ATXN1: variants seen among roughly 807,000 people sequenced by gnomAD.
ATXN1 encodes the protein ataxin 1.
ATXN1 carries 8 observed loss-of-function variants against 56.4 expected under a neutral mutation model. The observed-to-expected ratio is 0.14, with a 90% CI of 0.08 to 0.26. The LOEUF is 0.26. ATXN1 is among the 10% of genes least tolerant of loss of function. The pLI, the probability that ATXN1 is intolerant of heterozygous loss-of-function variation, is 1.00. For synonymous variants in ATXN1, 514 were observed against 494.6 expected (o/e 1.04, Z -0.52); for missense variants, 987 against 1,106.5 (o/e 0.89, Z 1.53).
intron 4 of ATXN1, among the ~76,000 whole-genome samples, chr6:16,579,532 G>T (rs1249315030): frequency 1.5e-5 from 2 of 130,068 alleles, no homozygotes; most frequent in South Asian, 2.4e-4. Flanking sequence ...CGTTTCACTT[G>T]AATTTTGAAT....
At chr6:16,323,907 C>A (rs956876250) in intron 7 of ATXN1, among the ~76,000 whole-genome samples, 1 of 151,992 alleles carries the variant, frequency 6.6e-6, no homozygotes, top group Non-Finnish European at 1.5e-5. Flanking sequence ...TATTATTATG[C>A]CATTTATTTT....
At chr6:16,617,885 GAAC>G (rs1232322620) in intron 3 of ATXN1, among the ~76,000 whole-genome samples, 2 of 151,474 alleles carry the variant, frequency 1.3e-5, no homozygotes, top group African/African-American at 4.9e-5. Flanking sequence ...CATAATGTGA[GAAC>G]AACTGATCTA....
chr6:16,369,095 C>T (rs1009423011), intron 6 of ATXN1, among the ~76,000 whole-genome samples: 5 of 152,146 alleles, frequency 3.3e-5, no homozygotes, highest in Non-Finnish European at 7.3e-5. Context: ...TTCGTCCGTG[C>T]CCCCTCCCAA....
At chr6:16,398,436 C>CT in intron 6 of ATXN1, among the ~76,000 whole-genome samples, 1 of 152,242 alleles carries the variant, frequency 6.6e-6, no homozygotes, top group African/African-American at 2.4e-5. Flanking sequence ...AGTTCTTGCA[C>CT]TTAATGGTGA....
chr6:16,520,994 T>C (rs1179031017), intron 5 of ATXN1, among the ~76,000 whole-genome samples: 2 of 152,122 alleles, frequency 1.3e-5, no homozygotes, highest in Non-Finnish European at 2.9e-5. Context: ...TTGGATAAAA[T>C]AATAAACACA....
chr6:16,573,635 G>A (rs1762371029), intron 4 of ATXN1, among the ~76,000 whole-genome samples: 1 of 152,104 alleles, frequency 6.6e-6, no homozygotes, highest in South Asian at 2.1e-4. Context: ...CCTCCGCCAG[G>A]TCTTAGTGAT....
At position 16,584,241 on chromosome 6, in the gene ATXN1, TATACAC is replaced by T. The variant is rs1316024515; in HGVS notation, c.-361+1533_-361+1538del. Among the ~76,000 whole-genome samples the T allele has an allele frequency of 9.4e-4, 114 of 121,282 alleles. 5 individuals carry two copies. Among genetic ancestry groups the T allele is most frequent in the Admixed American group, 3.6e-3 (42 of 11,690 alleles). 79.6% of individuals were successfully genotyped at this position (121,282 alleles called of 152,430 possible). A position where few individuals can be genotyped will look rare whatever the true frequency, so the allele number is the denominator to read the frequency against. ...TATTGGACATATATATATATATATA[TATACAC>T]ACACACACACACACACACACACACA... On this transcript the variant is annotated intron_variant, in intron 4 of 7. Transcript: ENST00000436367.
At chr6:16,731,116 C>T (rs1038056397) in intron 2 of ATXN1, among the ~76,000 whole-genome samples, 7 of 152,040 alleles carry the variant, frequency 4.6e-5, no homozygotes, top group Non-Finnish European at 1.0e-4. Context: ...CAAATGCCTA[C>T]AAATGGAAGG....
intron 2 of ATXN1, among the ~76,000 whole-genome samples, chr6:16,689,055 GTGTA>G (rs752844349): frequency 1.7e-3 from 253 of 152,148 alleles, no homozygotes; most frequent in African/African-American, 5.5e-3. Context: ...CTCTGTGTGT[GTGTA>G]TGTGTGTGTG....
intron 4 of ATXN1, among the ~76,000 whole-genome samples, chr6:16,563,365 G>C (rs1762155847): frequency 1.3e-5 from 2 of 152,120 alleles, no homozygotes; most frequent in African/African-American, 4.8e-5. Flanking sequence ...GCAGGTGATG[G>C]GGATCATGCA....
At chr6:16,371,714 T>C (rs59237300) in intron 6 of ATXN1, among the ~76,000 whole-genome samples, 1 of 150,878 alleles carries the variant, frequency 6.6e-6, no homozygotes, top group African/African-American at 2.5e-5. Flanking sequence ...CTATGCCTGG[T>C]TATTTATTTT....
At chr6:16,640,957 A>G (rs1763697033) in intron 3 of ATXN1, among the ~76,000 whole-genome samples, 1 of 152,238 alleles carries the variant, frequency 6.6e-6, no homozygotes, top group Admixed American at 6.5e-5. Flanking sequence ...CATCAATGGT[A>G]AGAAAGTGAA....
intron 6 of ATXN1, among the ~76,000 whole-genome samples, chr6:16,358,844 G>GTGCAGC (rs1387206511): frequency 6.6e-6 from 1 of 152,186 alleles, no homozygotes; most frequent in Non-Finnish European, 1.5e-5. Flanking sequence ...GCCTTCCCAG[G>GTGCAGC]TGCAGCTGCA....
chr6:16,453,439 C>T (rs573212837), intron 6 of ATXN1, among the ~76,000 whole-genome samples: 5 of 152,008 alleles, frequency 3.3e-5, no homozygotes, highest in South Asian at 2.1e-4. Flanking sequence ...CCAGCCTGGG[C>T]GACAGAGTGA....
chr6:16,404,086 A>G (rs892696454), intron 6 of ATXN1, among the ~76,000 whole-genome samples: 1 of 152,112 alleles, frequency 6.6e-6, no homozygotes, highest in Non-Finnish European at 1.5e-5. Flanking sequence ...CATTCTTAAT[A>G]CTGATTCAGA....
chr6:16,355,573 C>CT (rs1339529792), intron 6 of ATXN1, among the ~76,000 whole-genome samples: 2 of 128,340 alleles, frequency 1.6e-5, no homozygotes, highest in African/African-American at 5.8e-5. Context: ...TTTTTTTTTT[C>CT]TTTTTTGAGA....
At chr6:16,580,941 T>A (rs183489730) in intron 4 of ATXN1, among the ~76,000 whole-genome samples, 8 of 152,254 alleles carry the variant, frequency 5.3e-5, no homozygotes, top group Non-Finnish European at 8.8e-5. Context: ...AAGATAAATT[T>A]TGGGGAAGTC....
In ATXN1 at chr6:16,574,268, C is replaced by T. The variant is rs544707773; in HGVS notation, c.-361+11512G>A. 2.4e-4 allele frequency among the ~76,000 whole-genome samples: 36 copies of T among 152,238 alleles called. No individual in the cohort carries two copies. The East Asian group carries it at 5.8e-3, about 25-fold the overall frequency. On this transcript the variant is annotated intron_variant, in intron 4 of 7. Coordinates refer to ENST00000436367, the MANE Select transcript of ATXN1 (RefSeq NM_001128164.2). The stretch of plus-strand genomic sequence containing the variant: ...TCGCCCAGGCTGGCATGCAGTGGCG[C>T]GATCTCGGCTCACTGCAACCTCTGC...
Position 16,375,024 on chromosome 6 carries a change from G to A in ATXN1, c.-160-46554C>T, listed in dbSNP as rs75353806. Among the ~76,000 whole-genome samples, 603 of 152,274 alleles carry A rather than the reference G, an allele frequency of 4.0e-3. 4 individuals are homozygous for A. Among genetic ancestry groups the A allele is most frequent in the African/African-American group, 0.014 (569 of 41,554 alleles). On this transcript the variant is annotated intron_variant, in intron 6 of 7. Coordinates refer to ENST00000436367, the MANE Select transcript of ATXN1 (RefSeq NM_001128164.2). Reference sequence around the variant, plus strand: ...CAGCTTGGGCTAGCAAAGAAAAGACGCCCACTCACCCACCTACCCCAGCAG... The same window carrying A: ...CAGCTTGGGCTAGCAAAGAAAAGACACCCACTCACCCACCTACCCCAGCAG...
Sources: gnomAD v4.1 joint callset for allele counts (sites outside exome capture counted in the v4.1 genomes callset) on GRCh38, gnomAD v4.1.1 for gene constraint, MANE v1.5 for transcripts, NCBI Gene and HGNC (gene_info 2026-07-23, HGNC 2026-07-21) for gene names.